The following OSBPL10 variants were observed in gnomAD, a reference collection of about 807,000 sequenced individuals.
The protein encoded by OSBPL10 is oxysterol-binding protein-related protein 10.
A neutral mutation model predicts 81.7 loss-of-function variants in OSBPL10; 49 were observed. The ratio of observed to expected loss-of-function variants is 0.60; its 90% CI spans 0.48 to 0.76. OSBPL10 has a LOEUF of 0.76. Ranked by LOEUF, OSBPL10 falls within the 30% of genes least tolerant of loss-of-function variation. OSBPL10 has a pLI of 0.00. For synonymous variants in OSBPL10, 419 were observed against 383.6 expected (o/e 1.09, Z -1.08); for missense variants, 923 against 987.8 (o/e 0.93, Z 0.88).
intron 2 of OSBPL10, among the ~76,000 whole-genome samples, chr3:32,017,943 G>A (rs926229379): frequency 3.3e-5 from 5 of 152,160 alleles, no homozygotes; most frequent in Admixed American, 2.0e-4. Context: ...GAGGTCAGGA[G>A]TTCGAGACCA....
intron 6 of OSBPL10, among the ~76,000 whole-genome samples, chr3:31,720,287 T>TA (rs1260193389): frequency 2.0e-5 from 3 of 152,070 alleles, no homozygotes; most frequent in East Asian, 1.9e-4. Flanking sequence ...GTAGAAACTG[T>TA]AAAAAATGAG....
intron 1 of OSBPL10, among the ~76,000 whole-genome samples, chr3:31,892,299 C>A (rs967719262): frequency 6.6e-6 from 1 of 152,140 alleles, no homozygotes; most frequent in African/African-American, 2.4e-5. Flanking sequence ...GGGCTAAAGA[C>A]GTAGGCAATG....
At chr3:31,868,058 G>GAA (rs772268332) in intron 3 of OSBPL10, among the ~76,000 whole-genome samples, 2 of 141,952 alleles carry the variant, frequency 1.4e-5, no homozygotes, top group Admixed American at 7.0e-5. Context: ...GAACGTACAA[G>GAA]AAAAAAAAAA....
chr3:31,836,595 A>C (rs1479359966), intron 3 of OSBPL10, among the ~76,000 whole-genome samples: 1 of 140,782 alleles, frequency 7.1e-6, no homozygotes, highest in Non-Finnish European at 1.5e-5. Flanking sequence ...CAGTTAATTC[A>C]ACTGCTCTGG....
chr3:31,741,410 G>A (rs1462329857), intron 5 of OSBPL10, among the ~76,000 whole-genome samples: 6 of 152,120 alleles, frequency 3.9e-5, no homozygotes, highest in African/African-American at 1.2e-4. Context: ...GACTACAGGC[G>A]CATGCCACCA....
chr3:32,075,724 C>T lies in OSBPL10; in HGVS notation n.185+1672G>A, dbSNP rs1197198875. ...CCTCCAAAATTTTTTGCCGCTCCAA[C>T]ACCTCACCACTATTTTGTTTTGCTT... On this transcript the variant is annotated intron_variant and non_coding_transcript_variant, in intron 1 of 3. Coordinates refer to the OSBPL10 transcript ENST00000479173. Among the ~76,000 whole-genome samples, 4 of 152,152 alleles carry T rather than the reference C, an allele frequency of 2.6e-5. 1 individual carries two copies. The highest frequency in any genetic ancestry group is 9.7e-5 in the African/African-American group (4 of 41,412).
At chr3:31,963,850 T>C (rs1698238253) in intron 1 of OSBPL10, among the ~76,000 whole-genome samples, 1 of 152,094 alleles carries the variant, frequency 6.6e-6, no homozygotes, top group Admixed American at 6.6e-5. Context: ...ATTTTTTTTT[T>C]TTAATCTCAA....
At chr3:31,876,386 C>A (rs1251792467) in intron 3 of OSBPL10, 47 bp downstream of exon 3, 1 of 1,496,048 alleles carries the variant, frequency 6.7e-7, no homozygotes, top group Non-Finnish European at 9.3e-7. Context: ...GGGCTGAAAG[C>A]CAGGCTGGTT....
At chr3:31,730,548 C>G (rs560817817) in intron 6 of OSBPL10, among the ~76,000 whole-genome samples, 1 of 152,266 alleles carries the variant, frequency 6.6e-6, no homozygotes, top group South Asian at 2.1e-4. Flanking sequence ...AAGATCCTAA[C>G]TCATTTCATT....
Position 31,662,202 on chromosome 3 carries a change from T to G in OSBPL10, c.2251-86A>C, listed in dbSNP as rs1265145646. 8 of 1,598,550 alleles carry G rather than the reference T, an allele frequency of 5.0e-6. No homozygotes were observed. In the East Asian group the frequency reaches 1.8e-4, roughly 36 times the overall value. ...CAAGGATAACCGCAGCCACTCTGTG[T>G]GTCTGCCGTGTCTTAATACCTCACA... is the stretch of plus-strand genomic sequence containing the variant. On this transcript the variant is annotated intron_variant, in intron 11 of 11. Transcript: ENST00000396556.
At chr3:32,022,915 C>T (rs1372235489) in intron 2 of OSBPL10, among the ~76,000 whole-genome samples, 1 of 152,090 alleles carries the variant, frequency 6.6e-6, no homozygotes, top group Non-Finnish European at 1.5e-5. Context: ...AAACAAATAG[C>T]GGTGGTCAGA....
chr3:31,806,741 A>G (rs1450504583), intron 4 of OSBPL10, among the ~76,000 whole-genome samples: 1 of 151,840 alleles, frequency 6.6e-6, no homozygotes, highest in African/African-American at 2.4e-5. Context: ...AGTAGTTTGG[A>G]AAGACCTGTG....
chr3:31,877,039 G>A (rs1701492373), intron 2 of OSBPL10, among the ~76,000 whole-genome samples: 1 of 152,022 alleles, frequency 6.6e-6, no homozygotes, highest in Non-Finnish European at 1.5e-5. Flanking sequence ...CCGTAGCTGG[G>A]ACTACAGGCA....
At chr3:31,947,815 G>A (rs1294757857) in intron 1 of OSBPL10, among the ~76,000 whole-genome samples, 1 of 151,470 alleles carries the variant, frequency 6.6e-6, no homozygotes, top group Admixed American at 6.6e-5. Context: ...GCAAATGAGT[G>A]CTTGAGGAAG....
At chr3:31,720,195 T>C (rs1696588963) in intron 6 of OSBPL10, among the ~76,000 whole-genome samples, 1 of 137,284 alleles carries the variant, frequency 7.3e-6, no homozygotes, top group Non-Finnish European at 1.6e-5. Flanking sequence ...TACAGGTTTC[T>C]ACTGTATTTT....
chr3:31,676,484 G>T (rs1001418878), intron 8 of OSBPL10, among the ~76,000 whole-genome samples: 2 of 151,018 alleles, frequency 1.3e-5, no homozygotes, highest in Non-Finnish European at 2.9e-5. Flanking sequence ...AAATTGATTC[G>T]CCAATAAAGG....
intron 7 of OSBPL10, among the ~76,000 whole-genome samples, chr3:31,688,319 A>ACACT (rs1700851297): frequency 6.6e-6 from 1 of 150,382 alleles, no homozygotes; most frequent in East Asian, 1.9e-4. Flanking sequence ...ACACACACAC[A>ACACT]CACTCCCTTT....
At chr3:31,848,001 C>T (rs569096843) in intron 3 of OSBPL10, among the ~76,000 whole-genome samples, 1 of 152,072 alleles carries the variant, frequency 6.6e-6, no homozygotes, top group Non-Finnish European at 1.5e-5. Flanking sequence ...CTCCTGCCTC[C>T]GAGGCTCCTG....
intron 1 of OSBPL10, among the ~76,000 whole-genome samples, chr3:31,925,181 G>A (rs1697034829): frequency 6.6e-6 from 1 of 152,022 alleles, no homozygotes; most frequent in Non-Finnish European, 1.5e-5. Flanking sequence ...CTTCTCAAGG[G>A]CCAGAAAAGC....
Sources: gnomAD v4.1 joint callset for allele counts (sites outside exome capture counted in the v4.1 genomes callset) on GRCh38, gnomAD v4.1.1 for gene constraint, MANE v1.5 for transcripts, NCBI Gene and HGNC (gene_info 2026-07-23, HGNC 2026-07-21) for gene names.